Variants in SECISBP2L observed in about 807,000 individuals in gnomAD.
The protein encoded by SECISBP2L is SECIS binding protein 2 like.
Under a neutral mutation model 114.7 loss-of-function variants are expected in SECISBP2L, and 43 were observed. That is an observed-to-expected ratio of 0.38 (90% CI 0.29 to 0.48). SECISBP2L has a LOEUF of 0.48. Ranked by LOEUF, SECISBP2L falls within the 20% of genes least tolerant of loss-of-function variation. SECISBP2L has a pLI of 0.98. For missense variants in SECISBP2L, 1,136 were observed against 1,301.1 expected, an observed-to-expected ratio of 0.87 and a Z score of 1.95; for synonymous variants, 451 against 439.7, an observed-to-expected ratio of 1.03 and a Z score of -0.32.
chr15:49,007,645 C>G lies in SECISBP2L; in HGVS notation c.2027+1571G>C, dbSNP rs1157662487. 4.6e-5 allele frequency among the ~76,000 whole-genome samples: 7 copies of G among 152,288 alleles called. No homozygotes were observed. In the East Asian group the frequency reaches 1.3e-3, roughly 29 times the overall value. On this transcript the variant is annotated intron_variant, in intron 14 of 17. Transcript: ENST00000559471. ...CCTAAGGATATAAACCAAATGACAACCTGCTATTAGATAAAAACAAACATA... is the reference window on the plus strand; with the variant it reads ...CCTAAGGATATAAACCAAATGACAAGCTGCTATTAGATAAAAACAAACATA...
chr15:48,992,190 G>A lies in SECISBP2L; in HGVS notation c.*54C>T, dbSNP rs1395309945. ...CAAAATGTTGAGATGAAGCATAAAA[G>A]GTAATGGCTGCAACCCTTCCACAGC... On this transcript the variant is annotated 3_prime_UTR_variant, in exon 18 of 18. Transcript: ENST00000559471. 1 of 1,498,734 alleles carries A rather than the reference G, an allele frequency of 6.7e-7. No individual in the cohort carries two copies. The highest frequency in any genetic ancestry group is 1.4e-5 in the African/African-American group (1 of 71,224). 92.8% of individuals were successfully genotyped at this position (1,498,734 alleles called of 1,614,324 possible). A position where few individuals can be genotyped will look rare whatever the true frequency, so the allele number is the denominator to read the frequency against.
chr15:49,014,718 TAA>T (rs1391805244), intron 11 of SECISBP2L, among the ~76,000 whole-genome samples: 2 of 149,072 alleles, frequency 1.3e-5, no homozygotes, highest in African/African-American at 4.9e-5. Context: ...GTATATATAT[TAA>T]AAAGATATAT....
chr15:49,008,819 C>G (rs932647197), intron 14 of SECISBP2L, among the ~76,000 whole-genome samples: 5 of 152,146 alleles, frequency 3.3e-5, no homozygotes, highest in African/African-American at 1.2e-4. Context: ...AATAGGTTCA[C>G]TTCATATAAT....
rs373568178 is a variant in SECISBP2L, at chr15:49,033,062, C to A, written c.567G>T (p.Pro189=). Reference sequence around the variant, plus strand: ...TCTGAGTAGCTACATTTTTCACCAGCGGCCTTTTGCTTTTTATGTGCTGTT... The same window carrying A: ...TCTGAGTAGCTACATTTTTCACCAGAGGCCTTTTGCTTTTTATGTGCTGTT... ...LLQQHIKSKR[P]LVKNVATQKE... The change falls in exon 4 of 18, where the codon CCG becomes CCT. Residue 189 remains proline (P), a synonymous_variant. Transcript: ENST00000559471. 2.5e-5 allele frequency: 41 copies of A among 1,613,650 alleles called. No individual in the cohort carries two copies. The highest frequency in any genetic ancestry group is 3.4e-5 in the Non-Finnish European group (40 of 1,179,936).
chr15:48,996,369 T>C lies in SECISBP2L; in HGVS notation c.2621A>G (p.Tyr874Cys). 6.2e-7 allele frequency: 1 copy of C among 1,613,526 alleles called. No individual in the cohort carries two copies. Among genetic ancestry groups the C allele is most frequent in the Non-Finnish European group, 8.5e-7 (1 of 1,179,504 alleles). Residue 874 changes from tyrosine (Y) to cysteine (C), a missense_variant and splice_region_variant, in exon 17 of 18, where the codon TAT becomes TGT. Transcript: ENST00000559471. ...TAAAATAGTATTCAACAACTTACCA[T>C]ATTCCTTTTCATTTACTTCAGAGAT... ...EPISEVNEKE[Y>C]ETNWRNMVET...
rs1441168283 is a variant in SECISBP2L at position 49,033,008 on chromosome 15, A to G, written c.621T>C (p.Ser207=). 1.1e-5 allele frequency: 17 copies of G among 1,614,144 alleles called. No individual in the cohort carries two copies. Among genetic ancestry groups the G allele is most frequent in the Non-Finnish European group, 1.4e-5 (17 of 1,179,994 alleles). Residue 207 remains serine, a synonymous_variant, in exon 4 of 18, where the codon AGT becomes AGC. Coordinates refer to ENST00000559471, the MANE Select transcript of SECISBP2L (RefSeq NM_001193489.2). ...QKETNAAGPD[S]RSKIVLLVDA... Reference sequence around the variant, plus strand: ...CTACCAGAAGCACAATTTTTGATCGACTATCAGGACCTGCTGCATTTGTTT... The same window carrying G: ...CTACCAGAAGCACAATTTTTGATCGGCTATCAGGACCTGCTGCATTTGTTT...
rs1312900619 is a variant in SECISBP2L at position 48,989,533 on chromosome 15, G to A, written c.*2711C>T. The A allele has an allele frequency of 2.6e-5, 4 of 152,438 alleles. No individual in the cohort carries two copies. The highest frequency in any genetic ancestry group is 6.6e-5 in the Admixed American group (1 of 15,266). The allele number at this position is 152,438 out of a possible 1,614,324, so 9.4% of individuals were successfully genotyped here. On this transcript the variant is annotated 3_prime_UTR_variant, in exon 18 of 18. Coordinates refer to ENST00000559471, the MANE Select transcript of SECISBP2L (RefSeq NM_001193489.2). ...CATCATTTACAAACATATTTAAACC[G>A]AAAATTAAGCTAATATGAACATCTG...
At chr15:48,997,165 T>C (rs771308195) in intron 16 of SECISBP2L, among the ~76,000 whole-genome samples, 36 of 152,176 alleles carry the variant, frequency 2.4e-4, no homozygotes, top group Non-Finnish European at 4.7e-4. Flanking sequence ...TGCAAAATCA[T>C]TAATAAAGCT....
At chr15:49,014,783 TTAACATTTAGCAAC>T (rs1013549386) in intron 11 of SECISBP2L, among the ~76,000 whole-genome samples, 1 of 145,558 alleles carries the variant, frequency 6.9e-6, no homozygotes, top group African/African-American at 2.5e-5. Flanking sequence ...TTATATCATA[TTAACATTTAGCAAC>T]TGCTAAATGT....
chr15:48,996,476 C>T lies in SECISBP2L; in HGVS notation c.2514G>A (p.Lys838=), dbSNP rs147984813. The T allele has an allele frequency of 5.9e-4, 957 of 1,614,138 alleles. 2 individuals are homozygous for T. The highest frequency in any genetic ancestry group is 1.1e-3 in the Admixed American group (67 of 60,020). The change falls in exon 17 of 18, where the codon AAG becomes AAA. Residue 838 remains lysine, a synonymous_variant. Transcript: ENST00000559471. ...EQAEEALKNV[K]KVPHHMGHSR... ...AATGTCCCATGTGGTGTGGTACCTT[C>T]TTCACATTCTTTAAGGCTTCCTCAG... is the stretch of plus-strand genomic sequence containing the variant.
Position 48,992,279 on chromosome 15 carries a change from G to A in SECISBP2L, c.3271C>T (p.His1091Tyr). 2 of 1,611,900 alleles carry A rather than the reference G, an allele frequency of 1.2e-6. No homozygotes were observed. The highest frequency in any genetic ancestry group is 8.5e-7 in the Non-Finnish European group (1 of 1,179,248). ...SSNCSSLNKEHSDSNYTTQTT is the reference protein window; with the variant it reads ...SSNCSSLNKEYSDSNYTTQTT ...TGCGTTGTGTAATTAGAATCAGAGT[G>A]CTCTTTGTTGAGCGAGCTGCAGTTG... is the stretch of plus-strand genomic sequence containing the variant. Residue 1091 changes from histidine (H) to tyrosine (Y), a missense_variant, in exon 18 of 18, where the codon CAC (histidine) becomes TAC (tyrosine). This residue lies in a region of SECISBP2L where 684 missense variants were observed against 848.7 expected (regional missense o/e 0.81). Transcript: ENST00000559471.
In SECISBP2L at chr15:49,028,683, C is replaced by G. The variant is rs1313981112; in HGVS notation, c.665-1G>C. 1 of 1,611,012 alleles carries G rather than the reference C, an allele frequency of 6.2e-7. No individual in the cohort carries two copies. Among genetic ancestry groups the G allele is most frequent in the Non-Finnish European group, 8.5e-7 (1 of 1,177,356 alleles). ...TTGTTAGCGATATCTGATGGGAAAT[C>G]TACAAAGGCAAGGAAAGTTTGACAA... On this transcript the variant is annotated splice_acceptor_variant, in intron 4 of 17. Transcript: ENST00000559471. LOFTEE classifies it high-confidence loss of function.
chr15:49,006,674 T>G (rs1902330230), intron 14 of SECISBP2L, among the ~76,000 whole-genome samples: 1 of 152,180 alleles, frequency 6.6e-6, no homozygotes, highest in Admixed American at 6.5e-5. Flanking sequence ...GGTTCTTAGC[T>G]TCCCTGCATT....
At chr15:49,019,719 T>C (rs546159651) in intron 7 of SECISBP2L, 167 bp from the exon 8 acceptor site, 1 of 489,064 alleles carries the variant, frequency 2.0e-6, no homozygotes, top group Admixed American at 4.4e-5. Context: ...GTAAGGTACT[T>C]ATAAGAAAAA....
Position 48,992,754 on chromosome 15 carries a change from A to G in SECISBP2L, c.2796T>C (p.Ala932=). The change falls in exon 18 of 18, where the codon GCT becomes GCC. Residue 932 remains alanine, a synonymous_variant. Transcript: ENST00000559471. ...SLVATGSTTS[A]TSAGKSTASD... ...TTGCTGTGGATTTCCCAGCACTTGT[A>G]GCTGAGGTAGTACTGCCTGTAGCCA... The G allele has an allele frequency of 6.2e-7, 1 of 1,614,186 alleles. No homozygotes were observed. The highest frequency in any genetic ancestry group is 1.1e-5 in the South Asian group (1 of 91,090).
In SECISBP2L at chr15:49,016,672, CT is replaced by C; in HGVS notation, c.1448del (p.Lys483ArgfsTer8). 6.3e-7 allele frequency: 1 copy of C among 1,592,770 alleles called. No homozygotes were observed. ...AATCTAGCTGCACAGGTGTTTTATTCTTTTTTCCAGCTGCTTTTGATAAAGC... is the reference window on the plus strand; with the variant it reads ...AATCTAGCTGCACAGGTGTTTTATTCTTTTTCCAGCTGCTTTTGATAAAGC... ...QEALSKAAGKKNKTPVQLDLG... is the reference protein window; with the variant it reads ...QEALSKAAGKXNKTPVQLDLG... On this transcript the variant is annotated frameshift_variant, in exon 11 of 18. Transcript: ENST00000559471. LOFTEE classifies it high-confidence loss of function.
rs995153635 is a variant in SECISBP2L at position 49,046,323 on chromosome 15, C to T, written c.-24G>A. The stretch of plus-strand genomic sequence containing the variant: ...ATGGTGCCTGCAGCCGCAACGGGCC[C>T]GCGCTAGTCGGTGTAAACAGCGCCT... On this transcript the variant is annotated 5_prime_UTR_variant, in exon 1 of 18. Transcript: ENST00000559471. 4 of 1,534,436 alleles carry T rather than the reference C, an allele frequency of 2.6e-6. No individual in the cohort carries two copies. The African/African-American group carries it at 5.6e-5, about 22-fold the overall frequency.
chr15:49,023,067 ACTT>A (rs1408917545), intron 7 of SECISBP2L, among the ~76,000 whole-genome samples: 6 of 152,134 alleles, frequency 3.9e-5, no homozygotes, highest in Non-Finnish European at 8.8e-5. Flanking sequence ...ATAAATATAA[ACTT>A]CTTAATGTTA....
chr15:49,045,833 G>C (rs567296429), intron 1 of SECISBP2L, among the ~76,000 whole-genome samples: 193 of 152,234 alleles, frequency 1.3e-3, no homozygotes, highest in Non-Finnish European at 1.7e-3. Context: ...AGACCTAAAA[G>C]GCCCGTGACT....
Sources: gnomAD v4.1 joint callset for allele counts (sites outside exome capture counted in the v4.1 genomes callset) on GRCh38, gnomAD v4.1.1 for gene constraint, gnomAD v4.1.1 regional missense constraint, MANE v1.5 for transcripts, NCBI Gene and HGNC (gene_info 2026-07-23, HGNC 2026-07-21) for gene names.